The following CD276 variants were observed in gnomAD, a reference collection of about 807,000 sequenced individuals.
CD276 encodes the protein CD276 molecule.
Under a neutral mutation model 50.0 loss-of-function variants are expected in CD276, and 34 were observed. The ratio of observed to expected loss-of-function variants is 0.68; its 90% confidence interval spans 0.52 to 0.91. The LOEUF (loss-of-function observed/expected upper bound fraction) is 0.91, where lower values mean the gene tolerates loss of function less well. CD276 is among the 40% of genes least tolerant of loss of function. The pLI, the probability that CD276 is intolerant of heterozygous loss-of-function variation, is 0.00. For synonymous variants in CD276, 275 were observed against 313.0 expected, an observed-to-expected ratio of 0.88 and a Z score of 1.28; for missense variants, 634 against 717.5, an observed-to-expected ratio of 0.88 and a Z score of 1.33.
rs540170376 is a variant in CD276, at chr15:73,706,551, T to C, written c.1370-1788T>C. Among the ~76,000 whole-genome samples, 11 of 152,372 alleles carry C rather than the reference T, an allele frequency of 7.2e-5. No homozygotes were observed. In the East Asian group the frequency reaches 2.1e-3, roughly 29 times the overall value. ...ATGAGCCATGATCAGAATCCAACTT[T>C]GGCCTCTCAGCCTAATTTCCTCTCC... On this transcript the variant is annotated intron_variant, in intron 6 of 9. Transcript: ENST00000318443.
chr15:73,685,453 TTGTGTGTGTGTGTGTG>T (rs55859831), intron 1 of CD276, among the ~76,000 whole-genome samples: 6,762 of 131,906 alleles, frequency 0.051, 198 homozygotes, highest in South Asian at 0.067. Context: ...CAAAAAAGAT[TTGTGTGTGTGTGTGTG>T]TGTGTGTGTG....
rs1426460568 is a variant in CD276, at chr15:73,708,619, CCT to C, written c.1504+147_1504+148del. ...TGGGGCTGGATTTGTCTGTGTGTGACCTTGAGTCTACGTCTTGTGTGTGTGAA... is the reference window on the plus strand; with the variant it reads ...TGGGGCTGGATTTGTCTGTGTGTGACTGAGTCTACGTCTTGTGTGTGTGAA... On this transcript the variant is annotated intron_variant, in intron 7 of 9. Transcript: ENST00000318443. The C allele has an allele frequency of 1.3e-5, 12 of 914,238 alleles. No homozygotes were observed. The African/African-American group carries it at 1.6e-4, about 13-fold the overall frequency. 56.6% of individuals were successfully genotyped at this position (914,238 alleles called of 1,614,324 possible).
chr15:73,695,011 T>C (rs1345885837), intron 1 of CD276, among the ~76,000 whole-genome samples: 1 of 152,138 alleles, frequency 6.6e-6, no homozygotes, highest in Non-Finnish European at 1.5e-5. Flanking sequence ...CGGGACCCTG[T>C]CTCTTAAAAA....
In CD276 at chr15:73,713,434, G is replaced by A. The variant is rs1900992438; in HGVS notation, c.*478G>A. Reference sequence around the variant, plus strand: ...ATGGCCGTGATACACTAGTGATCATGTTCAGCCCTGCTTCCACCTGCATAG... The same window carrying A: ...ATGGCCGTGATACACTAGTGATCATATTCAGCCCTGCTTCCACCTGCATAG... On this transcript the variant is annotated 3_prime_UTR_variant, in exon 10 of 10. Transcript: ENST00000318443. 1 of 271,840 alleles carries A rather than the reference G, an allele frequency of 3.7e-6. No individual in the cohort carries two copies. Among genetic ancestry groups the A allele is most frequent in the Non-Finnish European group, 7.0e-6 (1 of 142,260 alleles). The allele number at this position is 271,840 out of a possible 1,614,324, so 16.8% of individuals were successfully genotyped here. A position where few individuals can be genotyped will look rare whatever the true frequency, so the allele number is the denominator to read the frequency against.
At position 73,714,298 on chromosome 15, in the gene CD276, T is replaced by G. The variant is rs1202614409; in HGVS notation, c.*1342T>G. The G allele has an allele frequency of 1.2e-5, 2 of 165,184 alleles. No individual in the cohort carries two copies. The highest frequency in any genetic ancestry group is 4.8e-5 in the African/African-American group (2 of 41,488). The allele number at this position is 165,184 out of a possible 1,614,324, so 10.2% of individuals were successfully genotyped here. On this transcript the variant is annotated 3_prime_UTR_variant, in exon 10 of 10. Transcript: ENST00000318443. Reference sequence around the variant, plus strand: ...GGACTGCCCCCCACCCCCACCATGGTGCTATTCTGGGGCTGGGGCAGTCTT... The same window carrying G: ...GGACTGCCCCCCACCCCCACCATGGGGCTATTCTGGGGCTGGGGCAGTCTT...
upstream of CD276, chr15:73,683,977 G>A (rs952502207): frequency 2.0e-5 from 3 of 152,400 alleles, no homozygotes; most frequent in Non-Finnish European, 2.9e-5. Context: ...TTTCTGGGCT[G>A]TGGTGCCAGC....
At chr15:73,686,249 T>C (rs373181133) in intron 1 of CD276, 4 of 981,034 alleles carry the variant, frequency 4.1e-6, no homozygotes, top group East Asian at 1.1e-4. Context: ...CTGCCTGCAG[T>C]AAGCTTTCCA....
Position 73,702,262 on chromosome 15 carries a change from G to C in CD276, c.87G>C (p.Leu29=), listed in dbSNP as rs1204922935. The C allele has an allele frequency of 6.2e-7, 1 of 1,607,898 alleles. No individual in the cohort carries two copies. The highest frequency in any genetic ancestry group is 8.5e-7 in the Non-Finnish European group (1 of 1,177,136). ...GALWFCLTGA[L]EVQVPEDPVV... ...CACTCCCCCTACCCCCAGGAGCCCTGGAGGTCCAGGTCCCTGAAGACCCAG... is the reference window on the plus strand; with the variant it reads ...CACTCCCCCTACCCCCAGGAGCCCTCGAGGTCCAGGTCCCTGAAGACCCAG... The change falls in exon 3 of 10, where the codon CTG becomes CTC. Residue 29 remains leucine, a synonymous_variant. Coordinates refer to ENST00000318443, the MANE Select transcript of CD276 (RefSeq NM_001024736.2).
intron 6 of CD276, 84 bp from the exon 7 acceptor site, chr15:73,708,253 CCT>C (rs1393093952): frequency 4.1e-5 from 61 of 1,482,094 alleles, no homozygotes; most frequent in Middle Eastern, 4.9e-4. Flanking sequence ...GGTGGGAGCC[CCT>C]GTTCACACTT....
Position 73,712,919 on chromosome 15 carries a change from C to T in CD276, c.1583-15C>T. 6.2e-7 allele frequency: 1 copy of T among 1,610,408 alleles called. No individual in the cohort carries two copies. Among genetic ancestry groups the T allele is most frequent in the Non-Finnish European group, 8.5e-7 (1 of 1,178,702 alleles). On this transcript the variant is annotated splice_polypyrimidine_tract_variant and intron_variant, in intron 9 of 9. Transcript: ENST00000318443. ...TTTTCCCTTCCCTTTTTTTTCTTCC[C>T]ATCATGAAATGAAGATGATGGACAA...
intron 1 of CD276, among the ~76,000 whole-genome samples, chr15:73,689,278 G>A (rs971660415): frequency 7.9e-5 from 12 of 151,102 alleles, no homozygotes; most frequent in Non-Finnish European, 1.8e-4. Flanking sequence ...CCCTGCACAT[G>A]CCTCTAGTTC....
At chr15:73,701,865 G>A (rs1357730110) in intron 2 of CD276, among the ~76,000 whole-genome samples, 1 of 152,192 alleles carries the variant, frequency 6.6e-6, no homozygotes, top group Admixed American at 6.5e-5. Flanking sequence ...AAATGCACAT[G>A]GTGCAGGCAG....
intron 1 of CD276, among the ~76,000 whole-genome samples, chr15:73,698,823 A>G (rs1295183635): frequency 1.3e-5 from 2 of 152,158 alleles, no homozygotes; most frequent in African/African-American, 2.4e-5. Flanking sequence ...CAGCCTCCCA[A>G]AGTGCTGGGA....
At chr15:73,695,607 T>C (rs1642684560) in intron 1 of CD276, among the ~76,000 whole-genome samples, 2 of 152,174 alleles carry the variant, frequency 1.3e-5, no homozygotes, top group East Asian at 1.9e-4. Context: ...ACTCCGTAAG[T>C]AGTGAAATGA....
At chr15:73,707,571 C>T (rs11072433) in intron 6 of CD276, among the ~76,000 whole-genome samples, 21,999 of 152,210 alleles carry the variant, frequency 0.14, 1,919 homozygotes, top group African/African-American at 0.24. Flanking sequence ...TAGGACTCAG[C>T]GAACATTTTC....
At chr15:73,712,842 G>C (rs1900962441) in intron 9 of CD276, 92 bp from the exon 10 acceptor site, 1 of 1,327,752 alleles carries the variant, frequency 7.5e-7, no homozygotes, top group Non-Finnish European at 1.1e-6. Flanking sequence ...GTCTGACCAG[G>C]TGCTTGGGCT....
intron 2 of CD276, among the ~76,000 whole-genome samples, chr15:73,700,607 G>C (rs961442239): frequency 7.9e-5 from 12 of 152,208 alleles, no homozygotes; most frequent in African/African-American, 2.9e-4. Context: ...GGCACCAGGG[G>C]TTTCAGCAAG....
In CD276 at chr15:73,708,576, C is replaced by T. The variant is rs903903143; in HGVS notation, c.1504+103C>T. ...AGAGTGTCACTTTCTAGTGACAGAA[C>T]GAGTGTGTGTGTGCAGATGGGGCTG... On this transcript the variant is annotated intron_variant, in intron 7 of 9. Transcript: ENST00000318443. 1.4e-5 allele frequency: 19 copies of T among 1,362,498 alleles called. No individual in the cohort carries two copies. In the African/African-American group the frequency reaches 1.4e-4, roughly 10 times the overall value. The allele number at this position is 1,362,498 out of a possible 1,614,324, so 84.4% of individuals were successfully genotyped here.
At chr15:73,706,517 A>G (rs1900659126) in intron 6 of CD276, among the ~76,000 whole-genome samples, 1 of 152,222 alleles carries the variant, frequency 6.6e-6, no homozygotes, top group Non-Finnish European at 1.5e-5. Flanking sequence ...AGTGCCCTGC[A>G]GTGAGGAGAT....
Sources: allele counts gnomAD v4.1 joint callset (sites outside exome capture counted in the v4.1 genomes callset), GRCh38; gene constraint gnomAD v4.1.1; transcripts MANE v1.5; gene names NCBI Gene and HGNC (gene_info 2026-07-23, HGNC 2026-07-21).